SFI1: variants seen among roughly 807,000 people sequenced by gnomAD.
The protein encoded by SFI1 is SFI1 centrin binding protein.
SFI1 carries 195 observed loss-of-function variants against 207.5 expected under a neutral mutation model. That is an observed-to-expected ratio of 0.94 (90% CI 0.84 to 1.06). SFI1 has a LOEUF of 1.06. SFI1 is among the 50% of genes least tolerant of loss of function. The probability of loss-of-function intolerance (pLI) is 0.00; values close to 1 mark genes in which losing one functional copy is unlikely to be tolerated. For synonymous variants in SFI1, 630 were observed against 598.9 expected (o/e 1.05, Z -0.76); for missense variants, 1,634 against 1,588.0 (o/e 1.03, Z -0.49).
At chr22:31,612,804 A>C (rs2070594629) in intron 24 of SFI1, 1 of 294,738 alleles carries the variant, frequency 3.4e-6, no homozygotes, top group South Asian at 8.2e-5. Context: ...TTAAAAAGCC[A>C]AGAGGGATCA....
In SFI1 at chr22:31,602,263, G is replaced by T. The variant is rs372191239; in HGVS notation, c.1596G>T (p.Gln532His). ...CTCTCTGGAGGCAGAAGATGTTTCA[G>T]CATCGAGAAAACCGCCTGGCAGAGA... The part of the protein sequence containing the change: ...VFSLWRQKMF[Q>H]HRENRLAERM... The change falls in exon 16 of 33, where the codon CAG becomes CAT. Residue 532 changes from glutamine to histidine, a missense_variant. By Grantham distance (24) the Gln-to-His change is conservative (BLOSUM62 0). Transcript: ENST00000400288. 6.2e-7 allele frequency: 1 copy of T among 1,614,122 alleles called. No individual in the cohort carries two copies. Among genetic ancestry groups the T allele is most frequent in the Non-Finnish European group, 8.5e-7 (1 of 1,180,004 alleles).
At chr22:31,544,888 C>T (rs1466763493) in intron 4 of SFI1, among the ~76,000 whole-genome samples, 1 of 152,074 alleles carries the variant, frequency 6.6e-6, no homozygotes, top group Admixed American at 6.6e-5. Flanking sequence ...TATCTATTTT[C>T]CCTCTTTTTA....
chr22:31,615,310 G>A (rs1358409672), intron 29 of SFI1, 31 bp downstream of exon 29: 10 of 1,444,766 alleles, frequency 6.9e-6, no homozygotes, highest in African/African-American at 1.4e-5. Context: ...CCTGGGCACT[G>A]GGGCTCTCAC....
intron 2 of SFI1, among the ~76,000 whole-genome samples, chr22:31,509,615 G>A (rs2055192429): frequency 6.6e-6 from 1 of 152,146 alleles, no homozygotes; most frequent in Non-Finnish European, 1.5e-5. Context: ...CTAGTCCACT[G>A]ACTCAAATGT....
At chr22:31,602,104 C>T (rs766337096) in intron 15 of SFI1, 108 bp from the exon 16 acceptor site, 235 of 943,668 alleles carry the variant, frequency 2.5e-4, no homozygotes, top group Non-Finnish European at 3.5e-4. Context: ...ACCTCTTATA[C>T]GATAGCATGG....
chr22:31,582,132 G>C (rs575477588), intron 12 of SFI1, among the ~76,000 whole-genome samples: 3 of 125,364 alleles, frequency 2.4e-5, no homozygotes, highest in Non-Finnish European at 4.8e-5. Flanking sequence ...AGCAGAAATG[G>C]ATTTTGTTGC....
intron 24 of SFI1, chr22:31,612,882 C>T (rs754407831): frequency 3.6e-5 from 18 of 503,188 alleles, no homozygotes; most frequent in South Asian, 1.4e-4. Context: ...CACCATTCCC[C>T]GGACCTCAGG....
At chr22:31,556,220 T>TC (rs1164401955) in intron 6 of SFI1, among the ~76,000 whole-genome samples, 1 of 151,488 alleles carries the variant, frequency 6.6e-6, no homozygotes, top group African/African-American at 2.4e-5. Flanking sequence ...AATTTTTTTT[T>TC]CTTTTCTTTT....
chr22:31,577,569 G>A (rs542189786), intron 10 of SFI1, among the ~76,000 whole-genome samples: 9 of 152,028 alleles, frequency 5.9e-5, no homozygotes, highest in African/African-American at 1.9e-4. Flanking sequence ...CATCACACCC[G>A]GCTTCAGGGG....
intron 4 of SFI1, among the ~76,000 whole-genome samples, chr22:31,543,844 G>A (rs1055034525): frequency 6.6e-6 from 1 of 151,522 alleles, no homozygotes; most frequent in African/African-American, 2.4e-5. Flanking sequence ...ACTATGAGTG[G>A]GTTAGGAGGA....
At chr22:31,530,654 T>C (rs1027093395) in intron 3 of SFI1, 4 of 471,740 alleles carry the variant, frequency 8.5e-6, no homozygotes, top group Admixed American at 4.7e-5. Flanking sequence ...TATGGTGTCA[T>C]AACATTACAG....
intron 22 of SFI1, 82 bp from the exon 23 acceptor site, chr22:31,611,061 T>A: frequency 1.9e-6 from 3 of 1,578,866 alleles, no homozygotes; most frequent in Non-Finnish European, 2.6e-6. Context: ...CACAGCCATC[T>A]CTGCTGTCTG....
intron 7 of SFI1, among the ~76,000 whole-genome samples, chr22:31,560,759 T>C (rs1282858536): frequency 1.3e-5 from 2 of 150,378 alleles, no homozygotes; most frequent in African/African-American, 4.9e-5. Flanking sequence ...TAGAGTGCAG[T>C]GGCGTGATCT....
At chr22:31,514,748 T>C (rs5753671) in intron 2 of SFI1, among the ~76,000 whole-genome samples, 32,896 of 151,678 alleles carry the variant, frequency 0.22, 4,567 homozygotes, top group East Asian at 0.43. Flanking sequence ...CCGAAATTCA[T>C]GTTGTCGAAA....
intron 3 of SFI1, among the ~76,000 whole-genome samples, chr22:31,529,266 G>A (rs888764710): frequency 1.1e-4 from 16 of 152,192 alleles, no homozygotes; most frequent in African/African-American, 3.9e-4. Context: ...AAATTTATCA[G>A]GTCAGGTACG....
At chr22:31,602,366 C>A in intron 16 of SFI1, 73 bp downstream of exon 16, 1 of 1,464,994 alleles carries the variant, frequency 6.8e-7, no homozygotes, top group Non-Finnish European at 9.5e-7. Context: ...ACGGCCTCCC[C>A]TCCTCAGGAA....
chr22:31,561,931 G>A (rs1569315232), intron 8 of SFI1, among the ~76,000 whole-genome samples: 1 of 151,984 alleles, frequency 6.6e-6, no homozygotes, highest in Non-Finnish European at 1.5e-5. Flanking sequence ...GGTACTTACA[G>A]AGCTGCCAAA....
At chr22:31,531,885 G>A (rs1483499742) in intron 4 of SFI1, among the ~76,000 whole-genome samples, 3 of 138,350 alleles carry the variant, frequency 2.2e-5, no homozygotes, top group Non-Finnish European at 3.1e-5. Flanking sequence ...AAGAGCGAAA[G>A]TCCCTCTCAA....
chr22:31,572,939 T>C (rs1368994159), intron 8 of SFI1, 119 bp from the exon 9 acceptor site: 5 of 1,035,460 alleles, frequency 4.8e-6, no homozygotes, highest in Non-Finnish European at 7.1e-6. Flanking sequence ...GGATTGCCAC[T>C]TCCTTGTTTC....
Sources: gnomAD v4.1 joint callset for allele counts (sites outside exome capture counted in the v4.1 genomes callset) on GRCh38, gnomAD v4.1.1 for gene constraint, MANE v1.5 for transcripts, NCBI Gene and HGNC (gene_info 2026-07-23, HGNC 2026-07-21) for gene names.